GRID2IP: variants seen among roughly 807,000 people sequenced by gnomAD.
GRID2IP encodes delphilin.
Under a neutral mutation model 114.3 loss-of-function variants are expected in GRID2IP, and 78 were observed. That is an observed-to-expected ratio of 0.68 (90% CI 0.57 to 0.82). GRID2IP has a LOEUF of 0.82. Ranked by LOEUF, GRID2IP falls within the 40% of genes least tolerant of loss-of-function variation. GRID2IP has a pLI of 0.00. For missense variants in GRID2IP, 1,727 were observed against 1,678.5 expected (o/e 1.03, Z -0.51); for synonymous variants, 809 against 724.0 (o/e 1.12, Z -1.89).
At chr7:6,539,641 C>T (rs1779782042) in intron 2 of GRID2IP, 77 bp downstream of exon 2, 2 of 1,369,322 alleles carry the variant, frequency 1.5e-6, no homozygotes, top group South Asian at 3.0e-5. Context: ...GAAGGGGTGC[C>T]TGGGGTGGTT....
In GRID2IP at chr7:6,536,772, C is replaced by T. The variant is rs1444451867; in HGVS notation, c.584+2946G>A. ...GCGGCAAATTCGGCTCTAGAAATAA[C>T]TTTTTTCCTTTTTTCCCCTCTTCTG... is the stretch of plus-strand genomic sequence containing the variant. On this transcript the variant is annotated intron_variant, in intron 2 of 21. Transcript: ENST00000457091. This position sits in a 1 kb window ranked among gnomAD's most constrained non-coding sequence, Gnocchi z 5.3. The T allele has an allele frequency of 1.4e-4, 97 of 701,548 alleles. 1 individual carries two copies. In the South Asian group the frequency reaches 1.4e-3, roughly 10 times the overall value. 43.5% of individuals were successfully genotyped at this position (701,548 alleles called of 1,614,324 possible).
chr7:6,550,657 CAAAAAAAA>C (rs71008400), intron 1 of GRID2IP, among the ~76,000 whole-genome samples: 9 of 97,090 alleles, frequency 9.3e-5, no homozygotes, highest in South Asian at 3.5e-4. Flanking sequence ...CTAAAAATAC[CAAAAAAAA>C]AAAAAAAAAA....
Position 6,514,535 on chromosome 7 carries a change from G to A in GRID2IP, c.1269-6C>T, listed in dbSNP as rs1481785834. The A allele has an allele frequency of 2.3e-5, 35 of 1,502,064 alleles. No homozygotes were observed. The highest frequency in any genetic ancestry group is 4.5e-6 in the Non-Finnish European group (5 of 1,120,206). The allele number at this position is 1,502,064 out of a possible 1,614,324, so 93.0% of individuals were successfully genotyped here. A position where few individuals can be genotyped will look rare whatever the true frequency, so the allele number is the denominator to read the frequency against. On this transcript the variant is annotated splice_polypyrimidine_tract_variant and splice_region_variant and intron_variant, in intron 7 of 21. Transcript: ENST00000457091. ...CGATGAGGGTGTCGATGTTCCTGGG[G>A]GAAGGTGCAGGAATGTGAGGCTCAA...
intron 1 of GRID2IP, among the ~76,000 whole-genome samples, chr7:6,550,185 G>A (rs893889867): frequency 2.7e-5 from 4 of 150,318 alleles, no homozygotes; most frequent in African/African-American, 4.9e-5. Flanking sequence ...TAGAGATGGT[G>A]TCTCATTACG....
chr7:6,532,550 C>T lies in GRID2IP; in HGVS notation c.585-5781G>A, dbSNP rs916630001. 6.6e-6 allele frequency among the ~76,000 whole-genome samples: 1 copy of T among 152,166 alleles called. No individual in the cohort carries two copies. The highest frequency in any genetic ancestry group is 1.5e-5 in the Non-Finnish European group (1 of 68,030). On this transcript the variant is annotated intron_variant, in intron 2 of 21. Coordinates refer to ENST00000457091, the MANE Select transcript of GRID2IP (RefSeq NM_001145118.2). This position sits in a 1 kb window ranked among gnomAD's most constrained non-coding sequence, Gnocchi z 4.4. ...GTGACCCCCCGTGGCTGTACTTCTT[C>T]CTGGAAGCAGCCAGAAACTGGAGCC...
At chr7:6,510,553 G>A in intron 10 of GRID2IP, 56 bp downstream of exon 10, 3 of 1,402,740 alleles carry the variant, frequency 2.1e-6, no homozygotes, top group Non-Finnish European at 2.9e-6. Flanking sequence ...CAGTCCTATG[G>A]ACCGTCCATT....
chr7:6,531,039 G>C (rs902762343), intron 2 of GRID2IP: 1 of 643,380 alleles, frequency 1.6e-6, no homozygotes, highest in African/African-American at 1.9e-5. Context: ...CACGGTTCCC[G>C]GAGGCGCGGG....
rs1049573972 is a variant in GRID2IP at position 6,528,490 on chromosome 7, C to T, written c.585-1721G>A. On this transcript the variant is annotated intron_variant, in intron 2 of 21. Coordinates refer to ENST00000457091, the MANE Select transcript of GRID2IP (RefSeq NM_001145118.2). The surrounding 1 kb of genome is among the most constrained non-coding windows in gnomAD (Gnocchi z 6.0). ...TGTGGCAGGACCTCTAACAAGAGCC[C>T]CTGAAGGTCTGGTTGCCTGTGAGGT... 6.6e-6 allele frequency among the ~76,000 whole-genome samples: 1 copy of T among 152,126 alleles called. No individual in the cohort carries two copies. Among genetic ancestry groups the T allele is most frequent in the Non-Finnish European group, 1.5e-5 (1 of 68,006 alleles).
intron 14 of GRID2IP, among the ~76,000 whole-genome samples, chr7:6,505,287 C>A (rs1410460794): frequency 6.6e-6 from 1 of 151,092 alleles, no homozygotes; most frequent in Non-Finnish European, 1.5e-5. Flanking sequence ...ACATTATGTA[C>A]ATCACAGAGT....
rs1334047949 is a variant in GRID2IP, at chr7:6,504,835, CCTT to C, written c.2665_2667del (p.Lys889del). 5 of 1,551,312 alleles carry C rather than the reference CCTT, an allele frequency of 3.2e-6. No homozygotes were observed. Among genetic ancestry groups the C allele is most frequent in the Non-Finnish European group, 2.6e-6 (3 of 1,146,866 alleles). Reference sequence around the variant, plus strand: ...TTATGGGACAGGATCTCCACCACCTCCTTCTTCCGGAAGGGCTCCGGCCCCGGC... The same window carrying C: ...TTATGGGACAGGATCTCCACCACCTCCTTCCGGAAGGGCTCCGGCCCCGGC... On this transcript the variant is annotated inframe_deletion, in exon 15 of 22. Coordinates refer to ENST00000457091, the MANE Select transcript of GRID2IP (RefSeq NM_001145118.2).
rs1469044318 is a variant in GRID2IP at position 6,539,753 on chromosome 7, G to A, written c.549C>T (p.Pro183=). The A allele has an allele frequency of 1.3e-6, 2 of 1,549,796 alleles. No homozygotes were observed. Among genetic ancestry groups the A allele is most frequent in the East Asian group, 2.4e-5 (1 of 40,880 alleles). ...CCAGGAGTGGCCCGCAGGCCTCTCG[G>A]GGCAGCGCCAGGGTGAGAGTCCACA... is the stretch of plus-strand genomic sequence containing the variant. The part of the protein sequence containing the change: ...DLVWTLTLAL[P]REACGPLLDN... The change falls in exon 2 of 22, where the codon CCC becomes CCT. Residue 183 remains proline, a synonymous_variant. Transcript: ENST00000457091.
Position 6,551,409 on chromosome 7 carries a change from T to G in GRID2IP, c.28A>C (p.Asn10His). The change falls in exon 1 of 22, where the codon AAC (asparagine) becomes CAC (histidine). Residue 10 changes from asparagine to histidine, a missense_variant. Coordinates refer to ENST00000457091, the MANE Select transcript of GRID2IP (RefSeq NM_001145118.2). ...CCAAAGTCCTCTGGCCAGCCCTGGT[T>G]CGTGGCCGGCGTGGCAGTGGTGGCC... MATTATPAT[N>H]QGWPEDFGFR... The G allele has an allele frequency of 6.5e-7, 1 of 1,546,826 alleles. No homozygotes were observed. Among genetic ancestry groups the G allele is most frequent in the Non-Finnish European group, 8.7e-7 (1 of 1,145,258 alleles).
intron 15 of GRID2IP, among the ~76,000 whole-genome samples, chr7:6,504,445 CGATTTAAGGGTGAGGACGG>C (rs1228280867): frequency 6.8e-6 from 1 of 147,914 alleles, no homozygotes. Flanking sequence ...TTTCAGCGAC[CGATTTAAGGGTGAGGACGG>C]GGTTCTCGAG....
Position 6,502,059 on chromosome 7 carries a change from C to T in GRID2IP, c.3210G>A (p.Ser1070=), listed in dbSNP as rs778650420. 7.7e-6 allele frequency: 12 copies of T among 1,551,202 alleles called. No individual in the cohort carries two copies. Among genetic ancestry groups the T allele is most frequent in the Middle Eastern group, 1.7e-4 (1 of 6,014 alleles). Reference sequence around the variant, plus strand: ...GGAGTTCAGGGAAGTGCTGGCTCAGCGATTTGGCAAGGATGTGCAGGAAGG... The same window carrying T: ...GGAGTTCAGGGAAGTGCTGGCTCAGTGATTTGGCAAGGATGTGCAGGAAGG... ...KSTFLHILAK[S]LSQHFPELLG... is the part of the protein sequence containing the mutation. Residue 1070 remains serine (S), a synonymous_variant, in exon 19 of 22, where the codon TCG becomes TCA. Coordinates refer to ENST00000457091, the MANE Select transcript of GRID2IP (RefSeq NM_001145118.2).
rs1351042899 is a variant in GRID2IP at position 6,526,593 on chromosome 7, C to A, written c.761G>T (p.Arg254Leu). 2.5e-6 allele frequency: 3 copies of A among 1,192,248 alleles called. No homozygotes were observed. The highest frequency in any genetic ancestry group is 3.6e-5 in the East Asian group (1 of 27,974). 73.9% of individuals were successfully genotyped at this position (1,192,248 alleles called of 1,614,324 possible). A position where few individuals can be genotyped will look rare whatever the true frequency, so the allele number is the denominator to read the frequency against. The change falls in exon 3 of 22, where the codon CGC becomes CTC. Residue 254 changes from arginine (R) to leucine (L), a missense_variant. By Grantham distance (102) the Arg-to-Leu change is moderately radical (BLOSUM62 -2). Coordinates refer to ENST00000457091, the MANE Select transcript of GRID2IP (RefSeq NM_001145118.2). This position sits in a 1 kb window ranked among gnomAD's most constrained non-coding sequence, Gnocchi z 7.6. Reference sequence around the variant, plus strand: ...CCTGCGCGGGGGCGGCTCATCGGGGCGGCGCGGCGGGGCGCTGGCGCGCGT... The same window carrying A: ...CCTGCGCGGGGGCGGCTCATCGGGGAGGCGCGGCGGGGCGCTGGCGCGCGT... ...VSTRASAPPR[R>L]PDEPPPRRAS... is the part of the protein sequence containing the mutation.
chr7:6,524,245 G>A (rs1341816288), intron 4 of GRID2IP, among the ~76,000 whole-genome samples: 2 of 152,196 alleles, frequency 1.3e-5, no homozygotes, highest in African/African-American at 4.8e-5. Flanking sequence ...AGGATCAGAC[G>A]ATGCCCAGCT....
At chr7:6,503,754 G>A (rs1414761158) in intron 15 of GRID2IP, 67 bp from the exon 16 acceptor site, 2 of 1,253,642 alleles carry the variant, frequency 1.6e-6, no homozygotes, top group Non-Finnish European at 2.1e-6. Flanking sequence ...CCAAGACGGA[G>A]AGGGCAGGGC....
chr7:6,504,960 C>G, intron 14 of GRID2IP, 90 bp from the exon 15 acceptor site: 2 of 995,230 alleles, frequency 2.0e-6, no homozygotes, highest in South Asian at 2.8e-5. Context: ...CCAACAGCCA[C>G]TATCCCCCTA....
chr7:6,550,976 T>TGG, intron 1 of GRID2IP, 32 bp downstream of exon 1: 119 of 1,015,520 alleles, frequency 1.2e-4, no homozygotes, highest in Non-Finnish European at 1.4e-4. Flanking sequence ...GCCCCCTCCT[T>TGG]CCCGCCCCCA....
Sources: allele counts gnomAD v4.1 joint callset (sites outside exome capture counted in the v4.1 genomes callset), GRCh38; gene constraint gnomAD v4.1.1; non-coding constraint Gnocchi (gnomAD v3.1); transcripts MANE v1.5; gene names NCBI Gene and HGNC (gene_info 2026-07-23, HGNC 2026-07-21).